The following JAK1 variants were observed in gnomAD, a reference collection of about 807,000 sequenced individuals.
JAK1 encodes tyrosine-protein kinase JAK1.
A neutral mutation model predicts 136.6 loss-of-function variants in JAK1; 16 were observed. That is an observed-to-expected ratio of 0.12 (90% confidence interval 0.08 to 0.18). JAK1 has a LOEUF of 0.18. Among genes scored for constraint, JAK1 ranks in the 10% least tolerant of loss-of-function variants. JAK1 has a pLI of 1.00. For missense variants in JAK1, 859 were observed against 1,450.1 expected (o/e 0.59, Z 6.62); for synonymous variants, 492 against 519.5 (o/e 0.95, Z 0.72).
intron 1 of JAK1, among the ~76,000 whole-genome samples, chr1:64,929,511 G>A (rs756987716): frequency 2.0e-5 from 3 of 152,254 alleles, no homozygotes; most frequent in Non-Finnish European, 4.4e-5. Context: ...ATTTGACTGG[G>A]ACTGCCACTC....
intron 20 of JAK1, among the ~76,000 whole-genome samples, chr1:64,838,907 A>C (rs1654670852): frequency 6.6e-6 from 1 of 152,012 alleles, no homozygotes; most frequent in African/African-American, 2.4e-5. Context: ...GCACTTTGGG[A>C]GGCCGAGGCG....
chr1:64,932,514 AACTC>A (rs1335047901), intron 1 of JAK1, among the ~76,000 whole-genome samples: 1 of 152,206 alleles, frequency 6.6e-6, no homozygotes, highest in Non-Finnish European at 1.5e-5. Context: ...GTTCAAACCT[AACTC>A]ACTCACTCAC....
chr1:65,027,580 G>A (rs1297558622), intron 2 of JAK1, among the ~76,000 whole-genome samples: 1 of 152,188 alleles, frequency 6.6e-6, no homozygotes. Context: ...GCAAAAGGAA[G>A]AGGGAGCTGG....
At chr1:65,013,649 C>T (rs1646868906) in intron 2 of JAK1, among the ~76,000 whole-genome samples, 1 of 151,962 alleles carries the variant, frequency 6.6e-6, no homozygotes, top group Non-Finnish European at 1.5e-5. Flanking sequence ...TGATGACGTC[C>T]CTAGGAAGCA....
At chr1:64,944,765 G>A (rs1374290594) in intron 1 of JAK1, among the ~76,000 whole-genome samples, 1 of 152,178 alleles carries the variant, frequency 6.6e-6, no homozygotes, top group Non-Finnish European at 1.5e-5. Flanking sequence ...ACACGATTGA[G>A]AGGATATTCG....
intron 9 of JAK1, 28 bp from the exon 10 acceptor site, chr1:64,857,807 A>G (rs1301698608): frequency 1.2e-6 from 2 of 1,613,322 alleles, no homozygotes. Context: ...CAAAGGGAGA[A>G]AGAGCTCACA....
chr1:64,991,159 C>G (rs1161105497), intron 2 of JAK1: 3 of 152,028 alleles, frequency 2.0e-5, no homozygotes, highest in African/African-American at 7.2e-5. Flanking sequence ...AGGAACCAAA[C>G]AGAAGTTTTG....
At chr1:64,853,749 A>C (rs1570640166) in intron 11 of JAK1, among the ~76,000 whole-genome samples, 1 of 133,586 alleles carries the variant, frequency 7.5e-6, no homozygotes, top group Non-Finnish European at 1.5e-5. Context: ...GTAGGCACCC[A>C]CCATCCAGCA....
chr1:65,065,501 G>A (rs1647998464), intron 1 of JAK1, among the ~76,000 whole-genome samples: 1 of 151,872 alleles, frequency 6.6e-6, no homozygotes, highest in Non-Finnish European at 1.5e-5. Flanking sequence ...AGAACAAGGG[G>A]CAAAGAGGAG....
At chr1:64,835,565 A>C (rs1389114660) in intron 23 of JAK1, 59 bp from the exon 24 acceptor site, 2 of 1,008,874 alleles carry the variant, frequency 2.0e-6, no homozygotes, top group Admixed American at 4.5e-5. Context: ...ATAAATGCCA[A>C]ACAGATTAAG....
chr1:64,889,394 A>C (rs1410629062), intron 1 of JAK1, among the ~76,000 whole-genome samples: 1 of 152,180 alleles, frequency 6.6e-6, no homozygotes, highest in Admixed American at 6.5e-5. Context: ...ATAGCAGTGA[A>C]TTCTTCCACC....
At chr1:65,010,794 C>T (rs1239473983) in intron 2 of JAK1, among the ~76,000 whole-genome samples, 1 of 152,040 alleles carries the variant, frequency 6.6e-6, no homozygotes, top group Non-Finnish European at 1.5e-5. Flanking sequence ...TATAGTGAGA[C>T]CCTGTCTCTT....
At chr1:64,947,498 T>C (rs1013430069) in intron 1 of JAK1, among the ~76,000 whole-genome samples, 1 of 152,118 alleles carries the variant, frequency 6.6e-6, no homozygotes, top group East Asian at 1.9e-4. Flanking sequence ...TGGCAGAACA[T>C]AAGACCAATG....
chr1:65,062,748 TA>T (rs996004754), intron 1 of JAK1, among the ~76,000 whole-genome samples: 1 of 152,226 alleles, frequency 6.6e-6, no homozygotes, highest in Admixed American at 6.5e-5. Flanking sequence ...GGACTCTTTC[TA>T]AAAAAGTCAG....
At chr1:64,847,257 C>T (rs1206488909) in intron 13 of JAK1, among the ~76,000 whole-genome samples, 1 of 152,092 alleles carries the variant, frequency 6.6e-6, no homozygotes, top group African/African-American at 2.4e-5. Context: ...TCCTAGGGCT[C>T]CACAGCACAG....
At position 64,999,735 on chromosome 1, in the gene JAK1, T is replaced by TA. The variant is rs77414910; in HGVS notation, c.-78+44744dup. ...GGGCAACAGAGTGAGACCCTCTCTTTAAAAAAAAAAAAAAAAAAAGTCTAC... is the reference window on the plus strand; with the variant it reads ...GGGCAACAGAGTGAGACCCTCTCTTTAAAAAAAAAAAAAAAAAAAAGTCTAC... On this transcript the variant is annotated intron_variant, in intron 2 of 25. Coordinates refer to the JAK1 transcript ENST00000671954. Among the ~76,000 whole-genome samples, 1,103 of 130,272 alleles carry TA rather than the reference T, an allele frequency of 8.5e-3. 4 individuals are homozygous for TA. Among genetic ancestry groups the TA allele is most frequent in the African/African-American group, 0.025 (888 of 35,920 alleles). 85.5% of individuals were successfully genotyped at this position (130,272 alleles called of 152,430 possible).
At chr1:64,996,676 G>A (rs551929237) in intron 2 of JAK1, among the ~76,000 whole-genome samples, 1 of 152,300 alleles carries the variant, frequency 6.6e-6, no homozygotes, top group South Asian at 2.1e-4. Context: ...GACCTGCGGT[G>A]ATTTTTTCCC....
chr1:64,846,654 A>G lies in JAK1; in HGVS notation c.1982T>C (p.Val661Ala). Residue 661 changes from valine to alanine, a missense_variant, in exon 14 of 25, where the codon GTG becomes GCG. Val to Ala is a moderately conservative substitution (Grantham distance 64, BLOSUM62 0). Coordinates refer to ENST00000342505, the MANE Select transcript of JAK1 (RefSeq NM_002227.4). ...TTGAAAGAGAACACACTTACTCTCC[A>G]CGTCGCGGACACAGACGCCATAGAG... The part of the protein sequence containing the change: ...VYLYGVCVRD[V>A]ENIMVEEFVE... 6.2e-7 allele frequency: 1 copy of G among 1,613,260 alleles called. No homozygotes were observed. The highest frequency in any genetic ancestry group is 8.5e-7 in the Non-Finnish European group (1 of 1,179,342).
At chr1:64,868,881 A>G (rs1278047471) in intron 6 of JAK1, among the ~76,000 whole-genome samples, 1 of 152,258 alleles carries the variant, frequency 6.6e-6, no homozygotes, top group Non-Finnish European at 1.5e-5. Flanking sequence ...TAGAATTAAC[A>G]GCTCTGTAGT....
Sources: gnomAD v4.1 joint callset for allele counts (sites outside exome capture counted in the v4.1 genomes callset) on GRCh38, gnomAD v4.1.1 for gene constraint, MANE v1.5 for transcripts, NCBI Gene and HGNC (gene_info 2026-07-23, HGNC 2026-07-21) for gene names.